The following LEF1 variants were observed in gnomAD, a reference collection of about 807,000 sequenced individuals.
The protein encoded by LEF1 is lymphoid enhancer-binding factor 1.
A neutral mutation model predicts 51.2 loss-of-function variants in LEF1; 14 were observed. The ratio of observed to expected loss-of-function variants is 0.27; its 90% CI spans 0.18 to 0.43. The LOEUF is 0.43. Among genes scored for constraint, LEF1 ranks in the 20% least tolerant of loss-of-function variants. The pLI is 1.00. For synonymous variants in LEF1, 185 were observed against 183.2 expected (o/e 1.01, Z -0.08); for missense variants, 386 against 512.0 (o/e 0.75, Z 2.37).
chr4:108,063,308 G>T (rs551201812), intron 11 of LEF1, among the ~76,000 whole-genome samples: 1 of 152,188 alleles, frequency 6.6e-6, no homozygotes, highest in South Asian at 2.1e-4. Flanking sequence ...GTTGTTGTTT[G>T]TTCTTTTTTT....
chr4:108,078,390 G>A lies in LEF1; in HGVS notation c.846-8C>T, dbSNP rs756655488. On this transcript the variant is annotated splice_region_variant and splice_polypyrimidine_tract_variant and intron_variant, in intron 7 of 11. Transcript: ENST00000265165. ...TGTTCATGCTGAGGCTTCCTAAAAG[G>A]TGGTGGTGGTGGTGGTTAGGGGAAG... The A allele has an allele frequency of 1.2e-6, 2 of 1,608,574 alleles. No homozygotes were observed. Among genetic ancestry groups the A allele is most frequent in the Non-Finnish European group, 1.7e-6 (2 of 1,176,212 alleles).
chr4:108,061,025 TCTCTA>T (rs1379963221), intron 11 of LEF1, among the ~76,000 whole-genome samples: 1 of 152,190 alleles, frequency 6.6e-6, no homozygotes, highest in African/African-American at 2.4e-5. Flanking sequence ...TCTGAGCTCC[TCTCTA>T]CTCTACAATT....
At chr4:108,153,287 A>C (rs1292422679) in intron 3 of LEF1, among the ~76,000 whole-genome samples, 1 of 152,228 alleles carries the variant, frequency 6.6e-6, no homozygotes, top group African/African-American at 2.4e-5. Flanking sequence ...CTGCCTCTGC[A>C]AAAGAGGCAT....
chr4:108,086,829 T>TACACACACACACACACACAC (rs139231288), intron 4 of LEF1, among the ~76,000 whole-genome samples: 24,873 of 149,248 alleles, frequency 0.17, 2,477 homozygotes, highest in Middle Eastern at 0.24. Context: ...CACACACACT[T>TACACACACACACACACACAC]ACACACACAC....
intron 9 of LEF1, among the ~76,000 whole-genome samples, chr4:108,066,185 G>A (rs1738067787): frequency 6.6e-6 from 1 of 152,210 alleles, no homozygotes; most frequent in African/African-American, 2.4e-5. Context: ...TATTAAAGGT[G>A]CTCTGGGGAC....
At chr4:108,058,884 C>T (rs17038514) in intron 11 of LEF1, among the ~76,000 whole-genome samples, 8,213 of 152,192 alleles carry the variant, frequency 0.054, 643 homozygotes, top group African/African-American at 0.17. Context: ...TTCATGACAC[C>T]GGTCTTCCAG....
At chr4:108,115,711 T>C (rs1741791069) in intron 3 of LEF1, among the ~76,000 whole-genome samples, 1 of 152,162 alleles carries the variant, frequency 6.6e-6, no homozygotes, top group African/African-American at 2.4e-5. Context: ...ATGGAAAATG[T>C]TGAAAGATAC....
intron 3 of LEF1, among the ~76,000 whole-genome samples, chr4:108,105,461 G>A (rs901761571): frequency 2.0e-4 from 31 of 152,264 alleles, no homozygotes; most frequent in African/African-American, 6.5e-4. Context: ...GATTACAGGT[G>A]TGAGCCTCCA....
intron 11 of LEF1, among the ~76,000 whole-genome samples, chr4:108,060,698 C>T (rs79905861): frequency 0.014 from 2,185 of 152,176 alleles, 28 homozygotes; most frequent in African/African-American, 0.029. Context: ...AAGCAGACCC[C>T]TAAGTTACTC....
chr4:108,062,668 G>A (rs1737776135), intron 11 of LEF1, among the ~76,000 whole-genome samples: 1 of 152,150 alleles, frequency 6.6e-6, no homozygotes, highest in African/African-American at 2.4e-5. Context: ...GGATGAACTG[G>A]TAGAAAGAAA....
At chr4:108,051,057 ACCTAAAGGATAGTATGT>A (rs1736955807) in intron 11 of LEF1, among the ~76,000 whole-genome samples, 1 of 152,216 alleles carries the variant, frequency 6.6e-6, no homozygotes, top group African/African-American at 2.4e-5. Context: ...ATAGCCATTT[ACCTAAAGGATAGTATGT>A]CACTTGCCAA....
In LEF1 at chr4:108,052,258, G is replaced by A. The variant is rs990724968; in HGVS notation, c.*7-3507C>T. ...ACAAAATGCACCCCTGCCCCATCAT[G>A]TAATATCACTTCCTTATTCAGAATT... On this transcript the variant is annotated intron_variant, in intron 11 of 11. Transcript: ENST00000265165. 2.6e-5 allele frequency among the ~76,000 whole-genome samples: 4 copies of A among 152,182 alleles called. 1 individual carries two copies. Among genetic ancestry groups the A allele is most frequent in the South Asian group, 4.1e-4 (2 of 4,832 alleles).
At chr4:108,079,693 C>G in intron 6 of LEF1, 79 bp from the exon 7 acceptor site, 1 of 1,420,004 alleles carries the variant, frequency 7.0e-7, no homozygotes, top group Non-Finnish European at 9.9e-7. Flanking sequence ...AAGCAATCCA[C>G]TAACTGCTAC....
At chr4:108,113,472 G>A (rs1386442838) in intron 3 of LEF1, among the ~76,000 whole-genome samples, 2 of 152,126 alleles carry the variant, frequency 1.3e-5, no homozygotes, top group South Asian at 4.1e-4. Context: ...GGGAAACGGG[G>A]ACCAAAGTTA....
chr4:108,103,821 T>A (rs1360319953), intron 3 of LEF1, among the ~76,000 whole-genome samples: 2 of 152,370 alleles, frequency 1.3e-5, no homozygotes, highest in East Asian at 3.9e-4. Context: ...AAGTAGTTGA[T>A]GTTTTGAGGT....
chr4:108,162,653 C>T (rs1489721583), intron 3 of LEF1, among the ~76,000 whole-genome samples: 1 of 151,958 alleles, frequency 6.6e-6, no homozygotes, highest in Non-Finnish European at 1.5e-5. Flanking sequence ...AACCCTAATC[C>T]CCGAGACCCA....
At chr4:108,082,126 A>G (rs781148472) in intron 5 of LEF1, among the ~76,000 whole-genome samples, 2 of 152,228 alleles carry the variant, frequency 1.3e-5, no homozygotes, top group African/African-American at 4.8e-5. Flanking sequence ...TAAACATTTT[A>G]AAAACACTGT....
At chr4:108,088,995 T>A in intron 4 of LEF1, 130 bp downstream of exon 4, 1 of 985,854 alleles carries the variant, frequency 1.0e-6, no homozygotes, top group Non-Finnish European at 1.6e-6. Flanking sequence ...GAATTACTCT[T>A]GTCTTGTAAA....
chr4:108,157,567 T>C (rs1430687100), intron 3 of LEF1, among the ~76,000 whole-genome samples: 1 of 152,220 alleles, frequency 6.6e-6, no homozygotes, highest in Non-Finnish European at 1.5e-5. Context: ...TGAGCATAGG[T>C]AGACACAACG....
Sources: allele counts gnomAD v4.1 joint callset (sites outside exome capture counted in the v4.1 genomes callset), GRCh38; gene constraint gnomAD v4.1.1; transcripts MANE v1.5; gene names NCBI Gene and HGNC (gene_info 2026-07-23, HGNC 2026-07-21).